ERBB4: variants seen among roughly 807,000 people sequenced by gnomAD.
ERBB4 encodes erb-b2 receptor tyrosine kinase 4.
In ERBB4, 42 loss-of-function variants were observed where a neutral mutation model predicts 158.0. That is an observed-to-expected ratio of 0.27 (90% CI 0.21 to 0.34). The LOEUF (loss-of-function observed/expected upper bound fraction) is 0.34, where lower values mean the gene tolerates loss of function less well. Among genes scored for constraint, ERBB4 ranks in the 10% least tolerant of loss-of-function variants. The pLI is 1.00. For synonymous variants in ERBB4, 583 were observed against 558.7 expected (o/e 1.04, Z -0.61); for missense variants, 1,333 against 1,624.1 (o/e 0.82, Z 3.08).
chr2:212,145,308 A>C (rs1360546429), intron 1 of ERBB4, among the ~76,000 whole-genome samples: 1 of 152,170 alleles, frequency 6.6e-6, no homozygotes, highest in African/African-American at 2.4e-5. Flanking sequence ...TTGCATAAAT[A>C]CTATTCATTC....
chr2:211,566,223 C>T (rs1194467981), intron 19 of ERBB4, among the ~76,000 whole-genome samples: 2 of 152,154 alleles, frequency 1.3e-5, no homozygotes, highest in African/African-American at 4.8e-5. Flanking sequence ...CAGAAGCATC[C>T]TTACATGGTA....
intron 3 of ERBB4, among the ~76,000 whole-genome samples, chr2:211,891,977 T>A (rs1251166771): frequency 5.1e-5 from 7 of 136,604 alleles, no homozygotes; most frequent in Non-Finnish European, 9.3e-5. Context: ...CTACCAGAGG[T>A]ACAAGGAGGA....
intron 1 of ERBB4, among the ~76,000 whole-genome samples, chr2:212,220,021 T>A (rs2083242982): frequency 6.7e-6 from 1 of 150,272 alleles, no homozygotes; most frequent in Non-Finnish European, 1.5e-5. Context: ...ACATGGTGAA[T>A]GAAGTAAAAA....
intron 1 of ERBB4, among the ~76,000 whole-genome samples, chr2:212,401,098 A>C (rs376966055): frequency 2.1e-4 from 32 of 152,272 alleles, no homozygotes; most frequent in Middle Eastern, 6.8e-3. Context: ...CTTAAAAATT[A>C]ATCATGGACT....
chr2:211,594,034 A>T (rs2068553985), intron 19 of ERBB4, among the ~76,000 whole-genome samples: 1 of 152,120 alleles, frequency 6.6e-6, no homozygotes, highest in Non-Finnish European at 1.5e-5. Context: ...GCCCAGCCAC[A>T]GCTGTTAATC....
At position 211,996,265 on chromosome 2, in the gene ERBB4, A is replaced by AT. The variant is rs1001972996; in HGVS notation, c.235-48650dup. Reference sequence around the variant, plus strand: ...TTTCATAAAATTAAAAATTTGGTTTATTTTTTTTTTCAGATGGCAGAAACC... The same window carrying AT: ...TTTCATAAAATTAAAAATTTGGTTTATTTTTTTTTTTCAGATGGCAGAAACC... On this transcript the variant is annotated intron_variant, in intron 2 of 27. Coordinates refer to ENST00000342788, the MANE Select transcript of ERBB4 (RefSeq NM_005235.3). Among the ~76,000 whole-genome samples the AT allele has an allele frequency of 1.8e-4, 27 of 148,662 alleles. No individual in the cohort carries two copies. The East Asian group carries it at 2.6e-3, about 14-fold the overall frequency.
intron 20 of ERBB4, among the ~76,000 whole-genome samples, chr2:211,457,788 T>C (rs560953399): frequency 2.0e-5 from 3 of 152,366 alleles, no homozygotes; most frequent in Non-Finnish European, 4.4e-5. Context: ...ATTGTTATGA[T>C]TTGGATTTTT....
chr2:211,701,958 T>C lies in ERBB4; in HGVS notation c.1489+9A>G, dbSNP rs1234873121. The C allele has an allele frequency of 5.0e-6, 8 of 1,593,640 alleles. No individual in the cohort carries two copies. The highest frequency in any genetic ancestry group is 1.7e-5 in the Admixed American group (1 of 59,966). ...TTCTATGTTTTAAATGTCTGAGTAA[T>C]GTACTTACTACAATTTTCAGCTTTT... On this transcript the variant is annotated intron_variant, in intron 12 of 27. Coordinates refer to ENST00000342788, the MANE Select transcript of ERBB4 (RefSeq NM_005235.3).
chr2:211,623,004 T>G (rs1315588550), intron 18 of ERBB4, among the ~76,000 whole-genome samples: 1 of 18,088 alleles, frequency 5.5e-5, no homozygotes, highest in Non-Finnish European at 8.6e-5. Context: ...TATATATATA[T>G]ATATATATAT....
At chr2:212,375,975 G>T (rs1394951383) in intron 1 of ERBB4, among the ~76,000 whole-genome samples, 1 of 152,062 alleles carries the variant, frequency 6.6e-6, no homozygotes, top group Non-Finnish European at 1.5e-5. Flanking sequence ...GATGAAGCCT[G>T]CAGTGGCAGA....
chr2:211,861,345 T>G (rs1171229433), intron 3 of ERBB4, among the ~76,000 whole-genome samples: 574 of 29,196 alleles, frequency 0.02, 5 homozygotes, highest in South Asian at 0.031. Flanking sequence ...TTTTGTTTTT[T>G]TTTTGTTTTT....
intron 2 of ERBB4, among the ~76,000 whole-genome samples, chr2:212,003,195 A>AAGAC (rs1429172931): frequency 8.9e-5 from 6 of 67,172 alleles, no homozygotes; most frequent in South Asian, 5.5e-4. Context: ...GAAAGAAAGA[A>AAGAC]AGAAAGAAAG....
chr2:211,887,192 G>A (rs540715551), intron 3 of ERBB4, among the ~76,000 whole-genome samples: 1 of 151,278 alleles, frequency 6.6e-6, no homozygotes, highest in East Asian at 1.9e-4. Context: ...TGAAAATGAA[G>A]AGCTAATATG....
Position 211,697,058 on chromosome 2 carries a change from G to A in ERBB4, c.1489+4909C>T, listed in dbSNP as rs575960034. Among the ~76,000 whole-genome samples, 8 of 152,168 alleles carry A rather than the reference G, an allele frequency of 5.3e-5. No individual in the cohort carries two copies. The South Asian group carries it at 6.2e-4, about 12-fold the overall frequency. ...AGGCATTGGGTTCAAATCCTTAATC[G>A]GATTTTAGTAGCTCCAAAACTGGAA... On this transcript the variant is annotated intron_variant, in intron 12 of 27. Transcript: ENST00000342788.
At chr2:212,395,330 A>C (rs1438836027) in intron 1 of ERBB4, among the ~76,000 whole-genome samples, 2 of 151,914 alleles carry the variant, frequency 1.3e-5, no homozygotes, top group African/African-American at 4.8e-5. Context: ...GAGGAACATA[A>C]AGCTTTATAT....
At chr2:212,058,807 T>A (rs1458229038) in intron 2 of ERBB4, among the ~76,000 whole-genome samples, 2 of 152,040 alleles carry the variant, frequency 1.3e-5, no homozygotes, top group Non-Finnish European at 2.9e-5. Context: ...AATAAGAGCT[T>A]TTTATGACAA....
intron 20 of ERBB4, among the ~76,000 whole-genome samples, chr2:211,560,963 G>T (rs188023889): frequency 2.6e-5 from 4 of 151,964 alleles, no homozygotes; most frequent in East Asian, 1.9e-4. Flanking sequence ...TTGTACAAAC[G>T]TATAGATAAA....
At chr2:211,976,816 A>G (rs1254758891) in intron 2 of ERBB4, among the ~76,000 whole-genome samples, 2 of 152,180 alleles carry the variant, frequency 1.3e-5, no homozygotes, top group African/African-American at 4.8e-5. Flanking sequence ...ATTTAAACTC[A>G]GGGCAAGCAT....
chr2:212,235,818 T>C (rs760364820), intron 1 of ERBB4, among the ~76,000 whole-genome samples: 31 of 152,354 alleles, frequency 2.0e-4, no homozygotes, highest in Middle Eastern at 3.4e-3. Flanking sequence ...ACATTGATTT[T>C]GTATCCTGAG....
Sources: gnomAD v4.1 joint callset for allele counts (sites outside exome capture counted in the v4.1 genomes callset) on GRCh38, gnomAD v4.1.1 for gene constraint, MANE v1.5 for transcripts, NCBI Gene and HGNC (gene_info 2026-07-23, HGNC 2026-07-21) for gene names.